Variants in SUSD5 observed in about 807,000 individuals in gnomAD.
The protein encoded by SUSD5 is sushi domain containing 5.
A neutral mutation model predicts 29.5 loss-of-function variants in SUSD5; 33 were observed. That is an observed-to-expected ratio of 1.12 (90% CI 0.85 to 1.49). The LOEUF is 1.49. Among genes scored for constraint, SUSD5 ranks in the 40% most tolerant of loss-of-function variants. The probability of loss-of-function intolerance (pLI) is 0.00; values close to 1 mark genes in which losing one functional copy is unlikely to be tolerated. For synonymous variants in SUSD5, 308 were observed against 325.3 expected (o/e 0.95, Z 0.57); for missense variants, 776 against 800.6 (o/e 0.97, Z 0.37).
intron 3 of SUSD5, among the ~76,000 whole-genome samples, chr3:33,196,091 TG>T (rs1218107098): frequency 6.6e-6 from 1 of 152,188 alleles, no homozygotes; most frequent in Non-Finnish European, 1.5e-5. Flanking sequence ...TATAAATGGT[TG>T]GAGACTGATG....
At position 33,211,047 on chromosome 3, in the gene SUSD5, T is replaced by C. The variant is rs2032313420; in HGVS notation, c.290+2881A>G. Among the ~76,000 whole-genome samples the C allele has an allele frequency of 2.6e-5, 4 of 152,058 alleles. No individual in the cohort carries two copies. In the South Asian group the frequency reaches 8.3e-4, roughly 31 times the overall value. On this transcript the variant is annotated intron_variant, in intron 2 of 4. Coordinates refer to ENST00000309558, the MANE Select transcript of SUSD5 (RefSeq NM_015551.2). Reference sequence around the variant, plus strand: ...CACCACCATGCCCAGCTAAGTTTTGTATTTTTTTATTTATTTTTATTTTTT... The same window carrying C: ...CACCACCATGCCCAGCTAAGTTTTGCATTTTTTTATTTATTTTTATTTTTT...
intron 4 of SUSD5, among the ~76,000 whole-genome samples, chr3:33,166,391 C>T (rs966564265): frequency 3.3e-5 from 5 of 152,282 alleles, no homozygotes; most frequent in South Asian, 2.1e-4. Context: ...TGCTCTTATA[C>T]GGATAGGGTA....
At chr3:33,210,858 TTTTC>T (rs1458397524) in intron 2 of SUSD5, among the ~76,000 whole-genome samples, 1 of 140,340 alleles carries the variant, frequency 7.1e-6, no homozygotes, top group African/African-American at 2.5e-5. Context: ...AACAAGTATA[TTTTC>T]TTTATTTTCT....
At chr3:33,200,423 A>G (rs2032093835) in intron 3 of SUSD5, among the ~76,000 whole-genome samples, 1 of 152,260 alleles carries the variant, frequency 6.6e-6, no homozygotes, top group African/African-American at 2.4e-5. Context: ...ATTAACAGGT[A>G]GAAGCTAGAA....
At chr3:33,156,784 A>C (rs1053674208) in intron 4 of SUSD5, among the ~76,000 whole-genome samples, 3 of 152,274 alleles carry the variant, frequency 2.0e-5, no homozygotes, top group Non-Finnish European at 4.4e-5. Flanking sequence ...AGAGAATAAG[A>C]CTCTGTATCT....
chr3:33,193,332 G>A (rs1575539921), intron 3 of SUSD5, among the ~76,000 whole-genome samples: 1 of 152,324 alleles, frequency 6.6e-6, no homozygotes, highest in East Asian at 1.9e-4. Context: ...GGCCATTTGA[G>A]CTGTCCAGGA....
rs187973105 is a variant in SUSD5, at chr3:33,202,632, G to A, written c.409+5176C>T. Among the ~76,000 whole-genome samples, 837 of 152,236 alleles carry A rather than the reference G, an allele frequency of 5.5e-3. 7 individuals are homozygous for A. Among genetic ancestry groups the A allele is most frequent in the African/African-American group, 0.019 (796 of 41,518 alleles). ...GGTCAGAGGAAAATCAAAGCCTCCA[G>A]ACCCCAAGCTGCAGACCCCACAGAC... On this transcript the variant is annotated intron_variant, in intron 3 of 4. Transcript: ENST00000309558.
At chr3:33,172,234 G>A in intron 4 of SUSD5, among the ~76,000 whole-genome samples, 2 of 147,832 alleles carry the variant, frequency 1.4e-5, no homozygotes, top group Admixed American at 6.7e-5. Context: ...CTTCTTACAA[G>A]GACACAGATA....
chr3:33,187,029 G>A (rs1392051901), intron 3 of SUSD5, among the ~76,000 whole-genome samples: 1 of 152,164 alleles, frequency 6.6e-6, no homozygotes, highest in Non-Finnish European at 1.5e-5. Flanking sequence ...GTTATGTCAG[G>A]CTGGACCAAA....
At position 33,175,006 on chromosome 3, in the gene SUSD5, C is replaced by A; in HGVS notation, c.478G>T (p.Gly160Trp). ...ILQGRTGLEM[G>W]DELLYVCAPG... ...GCACACACGTACAGCAGTTCATCCCCCATTTCCAAGCCGGTGCGGCCCTGC... is the reference window on the plus strand; with the variant it reads ...GCACACACGTACAGCAGTTCATCCCACATTTCCAAGCCGGTGCGGCCCTGC... The change falls in exon 4 of 5, where the codon GGG becomes TGG. Residue 160 changes from glycine to tryptophan, a missense_variant. Coordinates refer to ENST00000309558, the MANE Select transcript of SUSD5 (RefSeq NM_015551.2). 6.2e-7 allele frequency: 1 copy of A among 1,614,074 alleles called. No individual in the cohort carries two copies. The highest frequency in any genetic ancestry group is 2.2e-5 in the East Asian group (1 of 44,888).
chr3:33,161,262 G>A (rs890062428), intron 4 of SUSD5, among the ~76,000 whole-genome samples: 1 of 152,160 alleles, frequency 6.6e-6, no homozygotes, highest in Non-Finnish European at 1.5e-5. Flanking sequence ...GAGTCAAAGT[G>A]TTTGATGGCT....
rs775487377 is a variant in SUSD5, at chr3:33,174,957, C to T, written c.527G>A (p.Arg176Gln). 8.1e-6 allele frequency: 13 copies of T among 1,613,906 alleles called. No homozygotes were observed. The highest frequency in any genetic ancestry group is 2.2e-5 in the East Asian group (1 of 44,892). The change falls in exon 4 of 5, where the codon CGG becomes CAG. Residue 176 changes from arginine (R) to glutamine (Q), a missense_variant. Arg to Gln is a conservative substitution (Grantham distance 43). Transcript: ENST00000309558. The part of the protein sequence containing the change: ...VCAPGHIMGH[R>Q]ETAFTLLCNS... ...ACATAGCAAGGTGAAGGCGGTCTCCCGGTGGCCCATGATGTGGCCTGGGGC... is the reference window on the plus strand; with the variant it reads ...ACATAGCAAGGTGAAGGCGGTCTCCTGGTGGCCCATGATGTGGCCTGGGGC...
intron 3 of SUSD5, among the ~76,000 whole-genome samples, chr3:33,202,374 G>A (rs1396755958): frequency 1.3e-5 from 2 of 152,136 alleles, no homozygotes; most frequent in Non-Finnish European, 2.9e-5. Flanking sequence ...AAAAATTCCT[G>A]ATCACTCACC....
intron 4 of SUSD5, among the ~76,000 whole-genome samples, chr3:33,172,741 TTTTTAGAA>T (rs2031464039): frequency 6.6e-6 from 1 of 152,234 alleles, no homozygotes; most frequent in Non-Finnish European, 1.5e-5. Flanking sequence ...ACCCAGAAAG[TTTTTAGAA>T]ACTTTTGCAA....
At chr3:33,180,509 T>C (rs949822919) in intron 3 of SUSD5, among the ~76,000 whole-genome samples, 6 of 152,120 alleles carry the variant, frequency 3.9e-5, no homozygotes, top group African/African-American at 4.8e-5. Flanking sequence ...TATAGGCACA[T>C]GCATCTGTGC....
At chr3:33,196,822 C>T (rs1036667217) in intron 3 of SUSD5, among the ~76,000 whole-genome samples, 11 of 152,026 alleles carry the variant, frequency 7.2e-5, no homozygotes, top group Admixed American at 1.3e-4. Flanking sequence ...CCAACCCAAA[C>T]GGCAGTGCCT....
chr3:33,170,779 T>TC (rs1216696017), intron 4 of SUSD5, among the ~76,000 whole-genome samples: 4 of 152,200 alleles, frequency 2.6e-5, no homozygotes, highest in African/African-American at 9.6e-5. Flanking sequence ...TAACAGACAG[T>TC]TGAAGTCACA....
rs1265704972 is a variant in SUSD5 at position 33,152,448 on chromosome 3, G to A, written c.*294C>T. On this transcript the variant is annotated 3_prime_UTR_variant, in exon 5 of 5. Coordinates refer to ENST00000309558, the MANE Select transcript of SUSD5 (RefSeq NM_015551.2). The stretch of plus-strand genomic sequence containing the variant: ...AAAAAAAAGATAATACTGTGATGAA[G>A]GAAGAGGCGATTTTTGACCTCACAC... The A allele has an allele frequency of 5.5e-6, 2 of 366,898 alleles. No homozygotes were observed. Among genetic ancestry groups the A allele is most frequent in the Non-Finnish European group, 9.8e-6 (2 of 204,290 alleles). The allele number at this position is 366,898 out of a possible 1,614,324, so 22.7% of individuals were successfully genotyped here. A position where few individuals can be genotyped will look rare whatever the true frequency, so the allele number is the denominator to read the frequency against.
chr3:33,214,775 G>A (rs756940133), intron 1 of SUSD5, among the ~76,000 whole-genome samples: 4 of 152,080 alleles, frequency 2.6e-5, no homozygotes, highest in Non-Finnish European at 4.4e-5. Context: ...CAGGCTGAAG[G>A]CAAATGAGAA....
Sources: allele counts gnomAD v4.1 joint callset (sites outside exome capture counted in the v4.1 genomes callset), GRCh38; gene constraint gnomAD v4.1.1; transcripts MANE v1.5; gene names NCBI Gene and HGNC (gene_info 2026-07-23, HGNC 2026-07-21).